The following POLE variants were observed in gnomAD, a reference collection of about 807,000 sequenced individuals.
POLE encodes DNA polymerase epsilon catalytic subunit A.
In POLE, 188 loss-of-function variants were observed where a neutral mutation model predicts 279.2. The ratio of observed to expected loss-of-function variants is 0.67; its 90% confidence interval spans 0.60 to 0.76. The LOEUF is 0.76. POLE is among the 30% of genes least tolerant of loss of function. The pLI is 0.00. For synonymous variants in POLE, 1,214 were observed against 1,172.5 expected (o/e 1.04, Z -0.72); for missense variants, 2,703 against 3,016.7 (o/e 0.90, Z 2.44).
chr12:132,632,487 T>C lies in POLE; in HGVS notation c.6158A>G (p.Asp2053Gly). 6.2e-7 allele frequency: 1 copy of C among 1,614,012 alleles called. No homozygotes were observed. ...ALPGMITFSQDYVANELTQSF... is the reference protein window; with the variant it reads ...ALPGMITFSQGYVANELTQSF... ...CTGAGTGAGCTCATTTGCGACATAA[T>C]CCTGAGAGAAGGTGATCATTCCTGG... The change falls in exon 45 of 49, where the codon GAT becomes GGT. Residue 2053 changes from aspartate to glycine, a missense_variant. By Grantham distance (94) the Asp-to-Gly change is moderately conservative (BLOSUM62 -1). Around this residue, in one of 5 missense-constraint regions of POLE, gnomAD observed 1,551 missense variants for 1,686.1 expected, o/e 0.92. Coordinates refer to ENST00000320574, the MANE Select transcript of POLE (RefSeq NM_006231.4).
rs2135999126 is a variant in POLE, at chr12:132,673,586, C to G, written c.1348G>C (p.Glu450Gln). 2 of 1,612,580 alleles carry G rather than the reference C, an allele frequency of 1.2e-6. No individual in the cohort carries two copies. Among genetic ancestry groups the G allele is most frequent in the Non-Finnish European group, 1.7e-6 (2 of 1,179,970 alleles). Residue 450 changes from glutamate (E) to glutamine (Q), a missense_variant, in exon 13 of 49, where the codon GAG (glutamate) becomes CAG (glutamine). Physicochemically the swap from Glu to Gln is conservative, Grantham distance 29. Transcript: ENST00000320574. ...DPEDMCRMATEQPQTLATYSV... is the reference protein window; with the variant it reads ...DPEDMCRMATQQPQTLATYSV... Reference sequence around the variant, plus strand: ...TGTGGCTTACGTGCCTGGGGCTGCTCCGTGGCCATCCGGCACATGTCCTCC... The same window carrying G: ...TGTGGCTTACGTGCCTGGGGCTGCTGCGTGGCCATCCGGCACATGTCCTCC...
Position 132,677,402 on chromosome 12 carries a change from C to T in POLE, c.762G>A (p.Pro254=), listed in dbSNP as rs371334601. 84 of 1,613,822 alleles carry T rather than the reference C, an allele frequency of 5.2e-5. No homozygotes were observed. Among genetic ancestry groups the T allele is most frequent in the East Asian group, 1.6e-4 (7 of 44,892 alleles). ...GGTCATCTCGGCGGGTGATTTCTACCGGAAAAGCATTTCCTCGGTATCTGA... is the reference window on the plus strand; with the variant it reads ...GGTCATCTCGGCGGGTGATTTCTACTGGAAAAGCATTTCCTCGGTATCTGA... ...YNVRYRGNAF[P]VEITRRDDLV... Residue 254 remains proline (P), a synonymous_variant, in exon 8 of 49, where the codon CCG becomes CCA. Coordinates refer to ENST00000320574, the MANE Select transcript of POLE (RefSeq NM_006231.4).
At chr12:132,674,103 C>T (rs1384127527) in intron 12 of POLE, among the ~76,000 whole-genome samples, 1 of 152,158 alleles carries the variant, frequency 6.6e-6, no homozygotes, top group Admixed American at 6.5e-5. Context: ...CACGGAAACA[C>T]TCAAGCCCAC....
At chr12:132,653,009 A>G (rs2042457024) in intron 29 of POLE, among the ~76,000 whole-genome samples, 1 of 152,212 alleles carries the variant, frequency 6.6e-6, no homozygotes, top group South Asian at 2.1e-4. Flanking sequence ...AAACTGCCAT[A>G]TTTTAATACT....
chr12:132,672,648 A>G lies in POLE; in HGVS notation c.1665T>C (p.Asp555=). The stretch of plus-strand genomic sequence containing the variant: ...ACACCATCCTAAACCGGCAAGGGAT[A>G]TCGCTGCGGAAAACCCCAGACTCGA... The part of the protein sequence containing the change: ...EALESGVFRS[D]IPCRFRMNPA... Residue 555 remains aspartate (D), a synonymous_variant, in exon 15 of 49, where the codon GAT becomes GAC. Coordinates refer to ENST00000320574, the MANE Select transcript of POLE (RefSeq NM_006231.4). 1 of 1,614,118 alleles carries G rather than the reference A, an allele frequency of 6.2e-7. No individual in the cohort carries two copies. The highest frequency in any genetic ancestry group is 1.3e-5 in the African/African-American group (1 of 75,056).
chr12:132,643,552 TA>T lies in POLE; in HGVS notation c.4298del (p.Leu1433TyrfsTer20). The T allele has an allele frequency of 1.2e-6, 2 of 1,614,048 alleles. No homozygotes were observed. Among genetic ancestry groups the T allele is most frequent in the Non-Finnish European group, 1.7e-6 (2 of 1,180,028 alleles). ...CCAGGTGCACCAGGGCCCGGAACAG[TA>T]ACGGAACCTGGAAGAATCGGGCAGA... Reference protein sequence around the residue: ...IEGVYETQVPLLFRALVHLGC... With the variant: ...IEGVYETQVPXLFRALVHLGC... On this transcript the variant is annotated frameshift_variant, in exon 34 of 49. Transcript: ENST00000320574. LOFTEE classifies it high-confidence loss of function.
At chr12:132,625,562 T>C in intron 47 of POLE, 83 bp downstream of exon 47, 1 of 1,563,910 alleles carries the variant, frequency 6.4e-7, no homozygotes, top group Non-Finnish European at 8.7e-7. Context: ...CCTCAGGACC[T>C]GCACACACCC....
At chr12:132,665,211 C>A in intron 21 of POLE, 91 bp downstream of exon 21, 1 of 1,327,726 alleles carries the variant, frequency 7.5e-7, no homozygotes. Flanking sequence ...ATGAACGGCC[C>A]TCCATGCACA....
intron 23 of POLE, among the ~76,000 whole-genome samples, chr12:132,662,728 G>C (rs1333738010): frequency 6.6e-6 from 1 of 152,258 alleles, no homozygotes; most frequent in African/African-American, 2.4e-5. Flanking sequence ...AAGTAGGAAA[G>C]TGCTCCAGAA....
In POLE at chr12:132,641,644, C is replaced by T; in HGVS notation, c.5378+3G>A. The T allele has an allele frequency of 6.2e-7, 1 of 1,612,606 alleles. No individual in the cohort carries two copies. Among genetic ancestry groups the T allele is most frequent in the South Asian group, 1.1e-5 (1 of 91,034 alleles). On this transcript the variant is annotated splice_donor_region_variant and intron_variant, in intron 39 of 48. Coordinates refer to ENST00000320574, the MANE Select transcript of POLE (RefSeq NM_006231.4). Reference sequence around the variant, plus strand: ...TAACACTCCTTCCCAGAGAGGGTGGCACCTGAAGGTGTTAGAGCACAGGGC... The same window carrying T: ...TAACACTCCTTCCCAGAGAGGGTGGTACCTGAAGGTGTTAGAGCACAGGGC...
chr12:132,663,455 A>T (rs2042723248), intron 23 of POLE, among the ~76,000 whole-genome samples: 2 of 152,252 alleles, frequency 1.3e-5, no homozygotes, highest in African/African-American at 4.8e-5. Context: ...GAAACAACAG[A>T]CAACCCCTGA....
At chr12:132,648,474 A>G (rs563101658) in intron 32 of POLE, 1 of 153,390 alleles carries the variant, frequency 6.5e-6, no homozygotes, top group South Asian at 2.1e-4. Flanking sequence ...CTTTCTGCAC[A>G]TGGATCCCAG....
intron 25 of POLE, 189 bp downstream of exon 25, chr12:132,660,780 G>T (rs5744848): frequency 2.3e-6 from 1 of 443,648 alleles, no homozygotes; most frequent in East Asian, 3.3e-5. Flanking sequence ...TCAGAGTTGT[G>T]TCCCTGGATG....
At chr12:132,637,601 C>T (rs1334526953) in intron 41 of POLE, among the ~76,000 whole-genome samples, 1 of 152,218 alleles carries the variant, frequency 6.6e-6, no homozygotes, top group Non-Finnish European at 1.5e-5. Flanking sequence ...GAGCTGTGCA[C>T]ACCTGAGCAC....
intron 13 of POLE, 128 bp downstream of exon 13, chr12:132,673,447 G>A: frequency 7.2e-7 from 1 of 1,383,390 alleles, no homozygotes; most frequent in Non-Finnish European, 1.0e-6. Flanking sequence ...GGGTGGAGCG[G>A]GCTGGCATAC....
rs1593732539 is a variant in POLE, at chr12:132,642,937, G to C, written c.4611C>G (p.Leu1537=). The change falls in exon 36 of 49, where the codon CTC becomes CTG. Residue 1537 remains leucine, a synonymous_variant. Transcript: ENST00000320574. ...GALYSAEHGL[L]LEKVGPELLP... is the part of the protein sequence containing the mutation. The stretch of plus-strand genomic sequence containing the variant: ...GGAGCTCAGGGCCCACCTTCTCCAG[G>C]AGGAGGCCGTGCTCTGCTGAGTACA... 1 of 1,612,204 alleles carries C rather than the reference G, an allele frequency of 6.2e-7. No homozygotes were observed. Among genetic ancestry groups the C allele is most frequent in the Non-Finnish European group, 8.5e-7 (1 of 1,179,428 alleles).
Position 132,679,561 on chromosome 12 carries a change from G to A in POLE, c.514C>T (p.Pro172Ser). The change falls in exon 6 of 49, where the codon CCT (proline) becomes TCT (serine). Residue 172 changes from proline to serine, a missense_variant. By Grantham distance (74) the Pro-to-Ser change is moderately conservative (BLOSUM62 -1). Around this residue, in one of 5 missense-constraint regions of POLE, gnomAD observed 1,011 missense variants for 1,111.7 expected, o/e 0.91. Coordinates refer to ENST00000320574, the MANE Select transcript of POLE (RefSeq NM_006231.4). ...DLVKVRKEIS[P>S]AVKKNREQDH... ...TGCTCCCTGTTCTTCTTCACGGCAG[G>A]GGAGATCTCCTTCCTCACTTTGACA... The A allele has an allele frequency of 6.2e-7, 1 of 1,614,084 alleles. No individual in the cohort carries two copies. Among genetic ancestry groups the A allele is most frequent in the African/African-American group, 1.3e-5 (1 of 75,038 alleles).
intron 10 of POLE, 26 bp downstream of exon 10, chr12:132,676,066 GGT>G: frequency 7.1e-7 from 1 of 1,407,050 alleles, no homozygotes; most frequent in Non-Finnish European, 1.0e-6. Context: ...CACAATACCG[GGT>G]AGTTTCCCAA....
At position 132,677,586 on chromosome 12, in the gene POLE, TC is replaced by T; in HGVS notation, c.711del (p.Ile238SerfsTer18). The T allele has an allele frequency of 4.3e-6, 7 of 1,614,182 alleles. No homozygotes were observed. Among genetic ancestry groups the T allele is most frequent in the Non-Finnish European group, 5.1e-6 (6 of 1,180,040 alleles). On this transcript the variant is annotated frameshift_variant, in exon 7 of 49. Coordinates refer to ENST00000320574, the MANE Select transcript of POLE (RefSeq NM_006231.4). LOFTEE classifies it high-confidence loss of function. The stretch of plus-strand genomic sequence containing the variant: ...AACCCTGCCCCACTCACCACGTGGA[TC>T]TTCAGGTCAATGGAGAGGCGGATGT... Reference protein sequence around the residue: ...PYHIRLSIDLKIHVAHWYNVR... With the variant: ...PYHIRLSIDLXIHVAHWYNVR...
Sources: allele counts gnomAD v4.1 joint callset (sites outside exome capture counted in the v4.1 genomes callset), GRCh38; gene constraint gnomAD v4.1.1; regional missense constraint gnomAD v4.1.1; transcripts MANE v1.5; gene names NCBI Gene and HGNC (gene_info 2026-07-23, HGNC 2026-07-21).